ZCCHC2: variants seen among roughly 807,000 people sequenced by gnomAD.
ZCCHC2 encodes zinc finger CCHC-type containing 2.
In ZCCHC2, 39 loss-of-function variants were observed where a neutral mutation model predicts 103.6. The ratio of observed to expected loss-of-function variants is 0.38; its 90% confidence interval spans 0.29 to 0.49. The LOEUF is 0.49. ZCCHC2 is among the 20% of genes least tolerant of loss of function. The pLI, the probability that ZCCHC2 is intolerant of heterozygous loss-of-function variation, is 0.96. For synonymous variants in ZCCHC2, 687 were observed against 608.9 expected, an observed-to-expected ratio of 1.13 and a Z score of -1.89; for missense variants, 1,483 against 1,491.0, an observed-to-expected ratio of 0.99 and a Z score of 0.09.
At chr18:62,546,336 A>G (rs1915407284) in intron 4 of ZCCHC2, among the ~76,000 whole-genome samples, 1 of 152,204 alleles carries the variant, frequency 6.6e-6, no homozygotes, top group African/African-American at 2.4e-5. Flanking sequence ...ATGACGTTCT[A>G]ATTACAGAGG....
At chr18:62,556,917 G>C (rs1423685452) in intron 6 of ZCCHC2, among the ~76,000 whole-genome samples, 1 of 152,152 alleles carries the variant, frequency 6.6e-6, no homozygotes, top group Non-Finnish European at 1.5e-5. Flanking sequence ...ATTCCTGCTT[G>C]GTCTGAAATT....
intron 12 of ZCCHC2, among the ~76,000 whole-genome samples, chr18:62,570,657 C>T (rs755484997): frequency 4.6e-5 from 7 of 152,148 alleles, no homozygotes; most frequent in Admixed American, 2.6e-4. Flanking sequence ...ATAGTATAGT[C>T]GATCCAGCAT....
intron 1 of ZCCHC2, among the ~76,000 whole-genome samples, chr18:62,526,476 T>G (rs1428448493): frequency 6.6e-6 from 1 of 152,182 alleles, no homozygotes; most frequent in African/African-American, 2.4e-5. Flanking sequence ...GACCTCCGAG[T>G]CCCAGCTGTG....
Position 62,523,556 on chromosome 18 carries a change from G to A in ZCCHC2, c.132G>A (p.Pro44=). 1 of 889,330 alleles carries A rather than the reference G, an allele frequency of 1.1e-6. No individual in the cohort carries two copies. The highest frequency in any genetic ancestry group is 6.7e-5 in the Admixed American group (1 of 15,010). The allele number at this position is 889,330 out of a possible 1,614,324, so 55.1% of individuals were successfully genotyped here. A position where few individuals can be genotyped will look rare whatever the true frequency, so the allele number is the denominator to read the frequency against. The change falls in exon 1 of 14, where the codon CCG becomes CCA. Residue 44 remains proline, a synonymous_variant. Transcript: ENST00000269499. ...GCCGCCGCCGCGACTGCCGCCCCCC[G>A]CCGCCGCCGCCGCCGCCCGCGGGCC... The part of the protein sequence containing the change: ...PSRRRRDCRP[P]PPPPPPAGPS...
At chr18:62,550,932 G>C (rs1410314280) in intron 5 of ZCCHC2, among the ~76,000 whole-genome samples, 1 of 152,102 alleles carries the variant, frequency 6.6e-6, no homozygotes, top group Admixed American at 6.6e-5. Context: ...AAGGTTGTTG[G>C]GCTTGTTGGG....
chr18:62,538,965 T>TA (rs1246020642), intron 1 of ZCCHC2, among the ~76,000 whole-genome samples: 1 of 148,726 alleles, frequency 6.7e-6, no homozygotes, highest in African/African-American at 2.5e-5. Context: ...CAAGCTGTAA[T>TA]AAAAAACTGT....
intron 11 of ZCCHC2, among the ~76,000 whole-genome samples, chr18:62,565,489 T>C (rs560585307): frequency 6.6e-6 from 1 of 152,200 alleles, no homozygotes; most frequent in Non-Finnish European, 1.5e-5. Flanking sequence ...TACTGTTGAC[T>C]TCTTCATGAT....
intron 4 of ZCCHC2, among the ~76,000 whole-genome samples, chr18:62,545,111 T>G (rs1245100036): frequency 6.6e-6 from 1 of 151,878 alleles, no homozygotes; most frequent in African/African-American, 2.4e-5. Flanking sequence ...GGAGACCGGG[T>G]GCGGTGGTGT....
At chr18:62,548,867 G>A (rs1199044821) in intron 4 of ZCCHC2, among the ~76,000 whole-genome samples, 1 of 152,136 alleles carries the variant, frequency 6.6e-6, no homozygotes, top group Non-Finnish European at 1.5e-5. Flanking sequence ...AGAGGTTGCA[G>A]TGAGCCGAGA....
At chr18:62,548,375 A>T (rs1272052534) in intron 4 of ZCCHC2, among the ~76,000 whole-genome samples, 1 of 152,240 alleles carries the variant, frequency 6.6e-6, no homozygotes, top group Non-Finnish European at 1.5e-5. Flanking sequence ...GCTTACCTGC[A>T]GTCTGCCCAG....
chr18:62,556,673 C>T (rs1441886023), intron 6 of ZCCHC2, among the ~76,000 whole-genome samples: 1 of 152,178 alleles, frequency 6.6e-6, no homozygotes, highest in Non-Finnish European at 1.5e-5. Context: ...GCCGATCAGA[C>T]AGAAAATGTT....
intron 11 of ZCCHC2, among the ~76,000 whole-genome samples, chr18:62,567,041 A>G (rs1916396899): frequency 1.3e-5 from 2 of 152,000 alleles, no homozygotes; most frequent in Admixed American, 6.5e-5. Context: ...AATTTTATCT[A>G]TTTTCTCCTC....
downstream of ZCCHC2, among the ~76,000 whole-genome samples, chr18:62,579,228 C>G (rs1227104306): frequency 6.6e-6 from 1 of 152,200 alleles, no homozygotes; most frequent in Non-Finnish European, 1.5e-5. Context: ...AGGCCTTTAG[C>G]CACTAAAAGT....
Position 62,556,289 on chromosome 18 carries a change from A to G in ZCCHC2, c.1400A>G (p.His467Arg), listed in dbSNP as rs1915881571. 1.3e-6 allele frequency: 2 copies of G among 1,598,722 alleles called. No individual in the cohort carries two copies. Among genetic ancestry groups the G allele is most frequent in the Admixed American group, 3.4e-5 (2 of 58,014 alleles). The change falls in exon 6 of 14, where the codon CAC becomes CGC. Residue 467 changes from histidine (H) to arginine (R), a missense_variant. Transcript: ENST00000269499. ...CAGTCCATATCATCAGACTCCCTAC[A>G]CAGTATCAGTAAGCATCCTCTGTCC... is the stretch of plus-strand genomic sequence containing the variant. Reference protein sequence around the residue: ...FFQSISSDSLHSINNLQSSLK... With the variant: ...FFQSISSDSLRSINNLQSSLK...
downstream of ZCCHC2, among the ~76,000 whole-genome samples, chr18:62,579,615 A>C (rs953633237): frequency 6.6e-6 from 1 of 152,206 alleles, no homozygotes; most frequent in African/African-American, 2.4e-5. Context: ...TAACGTGTAA[A>C]TCATGAACCC....
intron 1 of ZCCHC2, among the ~76,000 whole-genome samples, chr18:62,533,732 C>T (rs1285157867): frequency 2.0e-5 from 3 of 151,456 alleles, no homozygotes; most frequent in Non-Finnish European, 4.4e-5. Flanking sequence ...ATTAGCTGGG[C>T]GTGGTGGTGC....
At chr18:62,545,148 G>A (rs1184502892) in intron 4 of ZCCHC2, among the ~76,000 whole-genome samples, 1 of 152,168 alleles carries the variant, frequency 6.6e-6, no homozygotes, top group Non-Finnish European at 1.5e-5. Flanking sequence ...CACTTTGGGA[G>A]GCCAAGGCGG....
chr18:62,540,494 G>A (rs1017487352), intron 2 of ZCCHC2, among the ~76,000 whole-genome samples: 4 of 150,858 alleles, frequency 2.7e-5, no homozygotes, highest in African/African-American at 7.3e-5. Flanking sequence ...TCCTCACAGA[G>A]GAAAAATAGG....
chr18:62,570,001 A>G (rs1285408409), intron 11 of ZCCHC2, 102 bp from the exon 12 acceptor site: 2 of 1,168,358 alleles, frequency 1.7e-6, no homozygotes, highest in African/African-American at 3.1e-5. Context: ...GTTGTGGGGA[A>G]ACTGAAGAAA....
Sources: gnomAD v4.1 joint callset for allele counts (sites outside exome capture counted in the v4.1 genomes callset) on GRCh38, gnomAD v4.1.1 for gene constraint, MANE v1.5 for transcripts, NCBI Gene and HGNC (gene_info 2026-07-23, HGNC 2026-07-21) for gene names.